NKAIN2: variants seen among roughly 807,000 people sequenced by gnomAD.
The protein encoded by NKAIN2 is sodium/potassium-transporting ATPase subunit beta-1-interacting protein 2.
NKAIN2 carries 14 observed loss-of-function variants against 32.6 expected under a neutral mutation model. The observed-to-expected ratio is 0.43, with a 90% CI of 0.28 to 0.67. NKAIN2 has a LOEUF of 0.67. Among genes scored for constraint, NKAIN2 ranks in the 30% least tolerant of loss-of-function variants. The pLI, the probability that NKAIN2 is intolerant of heterozygous loss-of-function variation, is 0.17. For missense variants in NKAIN2, 198 were observed against 258.3 expected (o/e 0.77, Z 1.60); for synonymous variants, 80 against 87.2 (o/e 0.92, Z 0.46).
intron 3 of NKAIN2, among the ~76,000 whole-genome samples, chr6:124,470,932 G>C (rs1156489985): frequency 6.6e-6 from 1 of 152,086 alleles, no homozygotes; most frequent in Non-Finnish European, 1.5e-5. Context: ...TACAGCTTAA[G>C]GGTCAAATCT....
At chr6:124,459,752 A>G (rs538369309) in intron 3 of NKAIN2, among the ~76,000 whole-genome samples, 6 of 151,914 alleles carry the variant, frequency 3.9e-5, no homozygotes, top group African/African-American at 1.4e-4. Flanking sequence ...TCTTTACTGT[A>G]AAATTAATTC....
intron 1 of NKAIN2, among the ~76,000 whole-genome samples, chr6:124,028,877 A>G (rs62435609): frequency 0.087 from 3,872 of 44,438 alleles, 110 homozygotes; most frequent in African/African-American, 0.16. Flanking sequence ...ACATATATGT[A>G]TATATATGTG....
chr6:123,970,550 A>T (rs143868146), intron 1 of NKAIN2, among the ~76,000 whole-genome samples: 10 of 152,072 alleles, frequency 6.6e-5, no homozygotes, highest in African/African-American at 2.4e-4. Flanking sequence ...AAAGATGAGG[A>T]TTTTTGTTTT....
intron 1 of NKAIN2, among the ~76,000 whole-genome samples, chr6:124,012,494 C>G (rs1006321870): frequency 6.6e-6 from 1 of 151,946 alleles, no homozygotes. Context: ...TGCCACCACG[C>G]CTGGCTAATT....
chr6:124,782,523 T>C (rs894861067), intron 4 of NKAIN2, among the ~76,000 whole-genome samples: 4 of 152,156 alleles, frequency 2.6e-5, no homozygotes, highest in Non-Finnish European at 5.9e-5. Context: ...TGTGTTCCCA[T>C]TGTCATCACT....
At chr6:124,361,005 T>G (rs1054536674) in intron 3 of NKAIN2, among the ~76,000 whole-genome samples, 2 of 152,136 alleles carry the variant, frequency 1.3e-5, no homozygotes, top group Non-Finnish European at 2.9e-5. Flanking sequence ...TGTGGTTCCC[T>G]TGATCATATA....
rs531147938 is a variant in NKAIN2, at chr6:124,701,696, G to A, written c.474+43310G>A. 1.1e-4 allele frequency among the ~76,000 whole-genome samples: 17 copies of A among 151,312 alleles called. No homozygotes were observed. The East Asian group carries it at 3.3e-3, about 30-fold the overall frequency. On this transcript the variant is annotated intron_variant, in intron 4 of 6. Transcript: ENST00000368417. ...AACAGGAGCGTACATACATTTACATGTGTTTCTCTTCTTTGTGTCATTATC... is the reference window on the plus strand; with the variant it reads ...AACAGGAGCGTACATACATTTACATATGTTTCTCTTCTTTGTGTCATTATC...
At chr6:124,344,067 A>C (rs1583083935) in intron 2 of NKAIN2, among the ~76,000 whole-genome samples, 1 of 152,248 alleles carries the variant, frequency 6.6e-6, no homozygotes, top group African/African-American at 2.4e-5. Flanking sequence ...CAGTTTTCCC[A>C]GCACCATTTA....
intron 3 of NKAIN2, among the ~76,000 whole-genome samples, chr6:124,380,218 G>A (rs1047685531): frequency 2.0e-5 from 3 of 152,070 alleles, no homozygotes; most frequent in African/African-American, 7.2e-5. Flanking sequence ...CTTTCTCTTT[G>A]TTCATTTAGG....
At chr6:123,985,192 G>T (rs1582885650) in intron 1 of NKAIN2, among the ~76,000 whole-genome samples, 1 of 152,096 alleles carries the variant, frequency 6.6e-6, no homozygotes, top group Admixed American at 6.6e-5. Flanking sequence ...CTGAGGTCAG[G>T]AGTTTGAGAC....
intron 2 of NKAIN2, among the ~76,000 whole-genome samples, chr6:124,286,503 C>A (rs912977219): frequency 1.3e-5 from 2 of 151,976 alleles, no homozygotes; most frequent in African/African-American, 2.4e-5. Flanking sequence ...CTCTTGCTAA[C>A]CCTGTGTATT....
At chr6:124,590,258 A>C (rs1289527946) in intron 3 of NKAIN2, among the ~76,000 whole-genome samples, 1 of 152,176 alleles carries the variant, frequency 6.6e-6, no homozygotes, top group East Asian at 1.9e-4. Context: ...GTGGTGCCTC[A>C]CATCTAGTGT....
intron 1 of NKAIN2, among the ~76,000 whole-genome samples, chr6:124,258,804 T>C (rs764706208): frequency 6.6e-6 from 1 of 152,230 alleles, no homozygotes; most frequent in Non-Finnish European, 1.5e-5. Flanking sequence ...TTAACTTTTA[T>C]TCTCTTGACT....
chr6:123,992,064 A>AT (rs939734952), intron 1 of NKAIN2, among the ~76,000 whole-genome samples: 4 of 152,106 alleles, frequency 2.6e-5, no homozygotes, highest in African/African-American at 7.2e-5. Flanking sequence ...AAGAAACTAA[A>AT]TTTTTTTGAA....
intron 2 of NKAIN2, among the ~76,000 whole-genome samples, chr6:124,294,938 G>C (rs924130985): frequency 6.6e-6 from 1 of 151,920 alleles, no homozygotes; most frequent in Non-Finnish European, 1.5e-5. Context: ...TATGTTTATG[G>C]AATTTTGTAA....
intron 1 of NKAIN2, among the ~76,000 whole-genome samples, chr6:124,184,548 A>G (rs1789610418): frequency 6.6e-6 from 1 of 152,276 alleles, no homozygotes. Context: ...AGCACTGAGT[A>G]TCCCTCACTA....
intron 3 of NKAIN2, among the ~76,000 whole-genome samples, chr6:124,649,731 A>T (rs776076419): frequency 4.6e-5 from 7 of 152,220 alleles, no homozygotes; most frequent in Non-Finnish European, 1.0e-4. Flanking sequence ...AACAGTCAGT[A>T]TAGCAAATTG....
chr6:123,810,481 G>C (rs9490937), intron 1 of NKAIN2, among the ~76,000 whole-genome samples: 26,228 of 152,142 alleles, frequency 0.17, 5,036 homozygotes, highest in African/African-American at 0.47. Context: ...CTGGTGTATG[G>C]ACTAGAGAAT....
At chr6:123,805,892 TA>T (rs1377059760) in intron 1 of NKAIN2, among the ~76,000 whole-genome samples, 4 of 152,286 alleles carry the variant, frequency 2.6e-5, no homozygotes, top group African/African-American at 9.6e-5. Context: ...AAATGTGATT[TA>T]ACTTCTAATC....
Sources: allele counts gnomAD v4.1 joint callset (sites outside exome capture counted in the v4.1 genomes callset), GRCh38; gene constraint gnomAD v4.1.1; transcripts MANE v1.5; gene names NCBI Gene and HGNC (gene_info 2026-07-23, HGNC 2026-07-21).